Variants in PTN observed in about 807,000 individuals in gnomAD.
PTN encodes the protein heparin affin regulatory protein.
A neutral mutation model predicts 24.1 loss-of-function variants in PTN; 18 were observed. The observed-to-expected ratio is 0.75, with a 90% CI of 0.52 to 1.11. The LOEUF (loss-of-function observed/expected upper bound fraction) is 1.11. Ranked by LOEUF, PTN falls within the 50% of genes least tolerant of loss-of-function variation. PTN has a pLI of 0.00. For missense variants in PTN, 163 were observed against 198.8 expected (o/e 0.82, Z 1.08); for synonymous variants, 78 against 68.6 (o/e 1.14, Z -0.67).
At chr7:137,337,658 G>C (rs1455742640) in intron 1 of PTN, among the ~76,000 whole-genome samples, 1 of 152,196 alleles carries the variant, frequency 6.6e-6, no homozygotes, top group African/African-American at 2.4e-5. Context: ...AATTATCAAG[G>C]TGAAATATGA....
At chr7:137,286,734 GGAA>G (rs1809561796) in intron 1 of PTN, among the ~76,000 whole-genome samples, 1 of 152,044 alleles carries the variant, frequency 6.6e-6, no homozygotes, top group Admixed American at 6.6e-5. Context: ...ATAAATATTT[GGAA>G]GAATAGTTTC....
chr7:137,286,642 T>C (rs541813415), intron 1 of PTN, among the ~76,000 whole-genome samples: 2 of 152,300 alleles, frequency 1.3e-5, no homozygotes, highest in South Asian at 4.1e-4. Flanking sequence ...TGAACAAATT[T>C]ATAGTGTGAA....
At chr7:137,337,934 T>C (rs934180534) in intron 1 of PTN, among the ~76,000 whole-genome samples, 15 of 152,156 alleles carry the variant, frequency 9.9e-5, no homozygotes, top group African/African-American at 3.6e-4. Flanking sequence ...CCATCTTCAA[T>C]GGTTCTATGC....
chr7:137,333,358 A>G (rs529370138), intron 1 of PTN, among the ~76,000 whole-genome samples: 7 of 152,206 alleles, frequency 4.6e-5, no homozygotes, highest in Non-Finnish European at 7.3e-5. Flanking sequence ...TAGCAACACA[A>G]AACAGACTAA....
At chr7:137,251,099 G>C (rs969297251) in intron 4 of PTN, 131 bp downstream of exon 4, 2 of 1,080,176 alleles carry the variant, frequency 1.9e-6, no homozygotes, top group African/African-American at 1.6e-5. Context: ...GTGACTCTCA[G>C]TGTAGGGGAG....
chr7:137,293,550 G>A (rs1809673683), intron 1 of PTN, among the ~76,000 whole-genome samples: 2 of 152,096 alleles, frequency 1.3e-5, no homozygotes, highest in South Asian at 4.1e-4. Flanking sequence ...ATGTGAAGCT[G>A]TGGATGATTC....
At chr7:137,280,699 C>CAAAAAAAAAAAAAAGAAAAAAA (rs1809455609) in intron 1 of PTN, among the ~76,000 whole-genome samples, 1 of 44,348 alleles carries the variant, frequency 2.3e-5, no homozygotes, top group Non-Finnish European at 4.0e-5. Context: ...ACTAAAAATA[C>CAAAAAAAAAAAAAAGAAAAAAA]AAAAAAAAAA....
At chr7:137,248,088 G>C (rs901516786) in intron 4 of PTN, among the ~76,000 whole-genome samples, 2 of 152,158 alleles carry the variant, frequency 1.3e-5, no homozygotes, top group Non-Finnish European at 2.9e-5. Context: ...AATGTATAGA[G>C]TAGAAACTGA....
chr7:137,276,105 T>C (rs1809355151), intron 1 of PTN, among the ~76,000 whole-genome samples: 1 of 152,198 alleles, frequency 6.6e-6, no homozygotes, highest in Admixed American at 6.5e-5. Context: ...GAGGCAGAAA[T>C]GTCGCAGGTC....
chr7:137,266,258 G>A (rs145484105), intron 1 of PTN, among the ~76,000 whole-genome samples: 1,699 of 152,024 alleles, frequency 0.011, 22 homozygotes, highest in East Asian at 0.046. Context: ...TACAATTAAC[G>A]TTTTAAAACT....
chr7:137,319,359 T>C (rs2128880924), intron 1 of PTN, among the ~76,000 whole-genome samples: 1 of 152,300 alleles, frequency 6.6e-6, no homozygotes, highest in Admixed American at 6.5e-5. Flanking sequence ...CCTTTTACTT[T>C]CTTCCATTTG....
chr7:137,272,572 T>C (rs575253440), intron 1 of PTN, among the ~76,000 whole-genome samples: 1 of 152,304 alleles, frequency 6.6e-6, no homozygotes, highest in Admixed American at 6.5e-5. Context: ...TTCCATAAAA[T>C]GTGGCATATA....
chr7:137,342,293 A>T (rs1449080401), intron 1 of PTN, among the ~76,000 whole-genome samples: 1 of 152,046 alleles, frequency 6.6e-6, no homozygotes, highest in Non-Finnish European at 1.5e-5. Flanking sequence ...TAGCACACAC[A>T]CACGCACATG....
At chr7:137,322,482 C>T (rs1202258537) in intron 1 of PTN, among the ~76,000 whole-genome samples, 1 of 151,966 alleles carries the variant, frequency 6.6e-6, no homozygotes, top group Non-Finnish European at 1.5e-5. Flanking sequence ...ATAAAACTGA[C>T]CTTGTTTTAA....
At chr7:137,311,396 G>T (rs186597889) in intron 1 of PTN, among the ~76,000 whole-genome samples, 48 of 152,164 alleles carry the variant, frequency 3.2e-4, no homozygotes, top group African/African-American at 1.1e-3. Flanking sequence ...GTATTTACTG[G>T]AGTAATATTT....
At chr7:137,238,201 C>T (rs1307323945) in intron 4 of PTN, among the ~76,000 whole-genome samples, 1 of 152,120 alleles carries the variant, frequency 6.6e-6, no homozygotes, top group Non-Finnish European at 1.5e-5. Context: ...CAAGTGTCCC[C>T]ACCAGCAGTT....
chr7:137,254,960 T>A lies in PTN; in HGVS notation c.14A>T (p.Gln5Leu). MQAQ[Q>L]YQQQRRKFAA... ...AAATTTTCGACGCTGCTGCTGGTAC[T>A]GTTGAGCCTGCATTCTAGGAATAAA... Residue 5 changes from glutamine to leucine, a missense_variant, in exon 2 of 5, where the codon CAG (glutamine) becomes CTG (leucine). Coordinates refer to ENST00000348225, the MANE Select transcript of PTN (RefSeq NM_002825.7). 6.5e-7 allele frequency: 1 copy of A among 1,547,182 alleles called. No individual in the cohort carries two copies. Among genetic ancestry groups the A allele is most frequent in the South Asian group, 1.2e-5 (1 of 82,674 alleles).
intron 1 of PTN, among the ~76,000 whole-genome samples, chr7:137,274,842 C>T (rs563953523): frequency 4.6e-5 from 7 of 152,060 alleles, no homozygotes; most frequent in Non-Finnish European, 1.0e-4. Context: ...GACAGAAAAT[C>T]GTAAGGCATA....
intron 1 of PTN, among the ~76,000 whole-genome samples, chr7:137,318,004 C>T (rs1004179508): frequency 1.3e-5 from 2 of 152,268 alleles, no homozygotes; most frequent in Non-Finnish European, 2.9e-5. Context: ...CTGTGGTTGA[C>T]GCCTACAATC....
Sources: gnomAD v4.1 joint callset for allele counts (sites outside exome capture counted in the v4.1 genomes callset) on GRCh38, gnomAD v4.1.1 for gene constraint, MANE v1.5 for transcripts, NCBI Gene and HGNC (gene_info 2026-07-23, HGNC 2026-07-21) for gene names.